The following AGBL4 variants were observed in gnomAD, a reference collection of about 807,000 sequenced individuals.
The protein encoded by AGBL4 is cytosolic carboxypeptidase 6.
In AGBL4, 58 loss-of-function variants were observed where a neutral mutation model predicts 66.4. The ratio of observed to expected loss-of-function variants is 0.87; its 90% confidence interval spans 0.71 to 1.09. The LOEUF (loss-of-function observed/expected upper bound fraction) is 1.09, where lower values mean the gene tolerates loss of function less well. Among genes scored for constraint, AGBL4 ranks in the 50% least tolerant of loss-of-function variants. AGBL4 has a pLI of 0.00. For synonymous variants in AGBL4, 234 were observed against 222.9 expected, an observed-to-expected ratio of 1.05 and a Z score of -0.44; for missense variants, 579 against 631.0, an observed-to-expected ratio of 0.92 and a Z score of 0.88.
chr1:49,710,781 G>A (rs1558183113), intron 2 of AGBL4, among the ~76,000 whole-genome samples: 1 of 151,700 alleles, frequency 6.6e-6, no homozygotes, highest in Non-Finnish European at 1.5e-5. Flanking sequence ...TCTCTGAAAG[G>A]CAGTATTAAG....
intron 3 of AGBL4, among the ~76,000 whole-genome samples, chr1:49,384,176 A>T (rs1335822650): frequency 6.6e-6 from 1 of 152,188 alleles, no homozygotes; most frequent in East Asian, 1.9e-4. Context: ...AATGGCAGAA[A>T]ATGTTTGCAA....
At chr1:49,554,060 G>C (rs1213115941) in intron 3 of AGBL4, among the ~76,000 whole-genome samples, 2 of 152,132 alleles carry the variant, frequency 1.3e-5, no homozygotes, top group Non-Finnish European at 2.9e-5. Context: ...TTGAGGCCAG[G>C]AGTTCCAGGC....
intron 2 of AGBL4, among the ~76,000 whole-genome samples, chr1:49,838,756 T>C (rs924589926): frequency 3.9e-5 from 6 of 152,192 alleles, no homozygotes; most frequent in Admixed American, 2.6e-4. Context: ...AATTATCATG[T>C]TCTGGTTATC....
chr1:49,291,902 G>A (rs982982803), intron 3 of AGBL4, among the ~76,000 whole-genome samples: 2 of 152,204 alleles, frequency 1.3e-5, no homozygotes, highest in Non-Finnish European at 2.9e-5. Flanking sequence ...CCAAGCCATC[G>A]ATATGGAACT....
intron 3 of AGBL4, among the ~76,000 whole-genome samples, chr1:49,634,298 G>T (rs1175252504): frequency 6.6e-6 from 1 of 152,108 alleles, no homozygotes; most frequent in Non-Finnish European, 1.5e-5. Flanking sequence ...CCACTTAAAA[G>T]TGAGAACATG....
At chr1:49,273,972 A>G (rs142107194) in intron 3 of AGBL4, among the ~76,000 whole-genome samples, 1,569 of 152,234 alleles carry the variant, frequency 0.01, 16 homozygotes, top group Non-Finnish European at 0.016. Flanking sequence ...ATGAGCCACC[A>G]TGCCCAGCTG....
chr1:49,851,563 T>C, intron 1 of AGBL4, 45 bp from the exon 2 acceptor site: 1 of 1,536,260 alleles, frequency 6.5e-7, no homozygotes, highest in Non-Finnish European at 8.8e-7. Context: ...ATTCGGCAAT[T>C]GAAGTCTAGT....
chr1:49,334,697 G>T (rs1645399576), intron 3 of AGBL4, among the ~76,000 whole-genome samples: 1 of 152,162 alleles, frequency 6.6e-6, no homozygotes, highest in African/African-American at 2.4e-5. Context: ...GGTCACAAGT[G>T]ATTCTCCCTA....
chr1:49,059,651 T>C (rs1029733776), intron 4 of AGBL4, among the ~76,000 whole-genome samples: 4 of 152,136 alleles, frequency 2.6e-5, no homozygotes, highest in Non-Finnish European at 5.9e-5. Context: ...AATGCCAGCC[T>C]GTTAAAGCAG....
intron 1 of AGBL4, among the ~76,000 whole-genome samples, chr1:49,948,588 G>GAA (rs1428210589): frequency 1.5e-5 from 2 of 136,194 alleles, no homozygotes; most frequent in African/African-American, 2.8e-5. Flanking sequence ...TATATAGAGA[G>GAA]AGAGAGAGAG....
At chr1:49,928,257 A>C (rs558874861) in intron 1 of AGBL4, among the ~76,000 whole-genome samples, 3 of 151,828 alleles carry the variant, frequency 2.0e-5, no homozygotes, top group Non-Finnish European at 4.4e-5. Flanking sequence ...TTTTATTTTT[A>C]TTTTTATTTT....
chr1:48,719,047 C>T (rs1647099566), intron 6 of AGBL4, among the ~76,000 whole-genome samples: 1 of 152,192 alleles, frequency 6.6e-6, no homozygotes, highest in Admixed American at 6.5e-5. Flanking sequence ...ATGACTTAGC[C>T]AAGGTCATGT....
chr1:48,911,334 C>G (rs1215283191), intron 5 of AGBL4, among the ~76,000 whole-genome samples: 1 of 152,050 alleles, frequency 6.6e-6, no homozygotes, highest in African/African-American at 2.4e-5. Flanking sequence ...TCATAAGGAC[C>G]TGGCCGGGCG....
At chr1:49,599,840 T>G (rs1226386444) in intron 3 of AGBL4, among the ~76,000 whole-genome samples, 2 of 152,174 alleles carry the variant, frequency 1.3e-5, no homozygotes, top group Non-Finnish European at 2.9e-5. Flanking sequence ...TTCAAAGAAC[T>G]TACATATTCC....
chr1:49,016,271 C>T (rs1027147753), intron 5 of AGBL4, among the ~76,000 whole-genome samples: 1 of 152,196 alleles, frequency 6.6e-6, no homozygotes, highest in African/African-American at 2.4e-5. Flanking sequence ...TGCTGGGTGC[C>T]TAATGCGGGG....
chr1:49,512,496 T>C (rs571488433), intron 3 of AGBL4, among the ~76,000 whole-genome samples: 1 of 151,840 alleles, frequency 6.6e-6, no homozygotes, highest in Non-Finnish European at 1.5e-5. Flanking sequence ...CTTCTCACAA[T>C]AGTGAGTAAA....
chr1:49,936,212 C>A (rs372050902), intron 1 of AGBL4, among the ~76,000 whole-genome samples: 3 of 151,946 alleles, frequency 2.0e-5, no homozygotes, highest in Non-Finnish European at 4.4e-5. Context: ...GGAGCCGATG[C>A]GATCAACTGC....
At chr1:48,619,842 C>T (rs989612717) in intron 9 of AGBL4, among the ~76,000 whole-genome samples, 1 of 152,216 alleles carries the variant, frequency 6.6e-6, no homozygotes, top group Non-Finnish European at 1.5e-5. Context: ...AGCGTACAAA[C>T]TCCGCCTCCA....
intron 3 of AGBL4, among the ~76,000 whole-genome samples, chr1:49,500,939 T>C (rs1648096758): frequency 6.6e-6 from 1 of 152,028 alleles, no homozygotes; most frequent in Non-Finnish European, 1.5e-5. Context: ...TGATGAAAGG[T>C]GCACTGAATT....
Sources: allele counts gnomAD v4.1 joint callset (sites outside exome capture counted in the v4.1 genomes callset), GRCh38; gene constraint gnomAD v4.1.1; transcripts MANE v1.5; gene names NCBI Gene and HGNC (gene_info 2026-07-23, HGNC 2026-07-21).